The following RAB3GAP1 variants were observed in gnomAD, a reference collection of about 807,000 sequenced individuals.
RAB3GAP1 encodes RAB3 GTPase activating protein catalytic subunit 1.
A neutral mutation model predicts 130.7 loss-of-function variants in RAB3GAP1; 86 were observed. The ratio of observed to expected loss-of-function variants is 0.66; its 90% confidence interval spans 0.55 to 0.79. The LOEUF (loss-of-function observed/expected upper bound fraction) is 0.79. RAB3GAP1 is among the 30% of genes least tolerant of loss of function. The probability of loss-of-function intolerance (pLI) is 0.00; values close to 1 mark genes in which losing one functional copy is unlikely to be tolerated. For synonymous variants in RAB3GAP1, 367 were observed against 401.7 expected (o/e 0.91, Z 1.03); for missense variants, 1,029 against 1,169.4 (o/e 0.88, Z 1.75).
chr2:135,153,888 T>C lies in RAB3GAP1; in HGVS notation c.2289+12T>C. 2 of 1,607,350 alleles carry C rather than the reference T, an allele frequency of 1.2e-6. No homozygotes were observed. The highest frequency in any genetic ancestry group is 1.7e-6 in the Non-Finnish European group (2 of 1,174,134). ...GGGAAGCAGAAAAGGTAATTGAGGTTTGAGTCTCTAATACTAGAATGCAAA... is the reference window on the plus strand; with the variant it reads ...GGGAAGCAGAAAAGGTAATTGAGGTCTGAGTCTCTAATACTAGAATGCAAA... On this transcript the variant is annotated intron_variant, in intron 19 of 23. Transcript: ENST00000264158.
intron 17 of RAB3GAP1, among the ~76,000 whole-genome samples, chr2:135,142,890 T>A (rs952320255): frequency 3.3e-5 from 5 of 151,936 alleles, no homozygotes; most frequent in Non-Finnish European, 7.4e-5. Context: ...GAGTTTATTT[T>A]TTTTTTTTTT....
intron 3 of RAB3GAP1, among the ~76,000 whole-genome samples, chr2:135,060,481 C>T (rs1024298030): frequency 2.6e-5 from 4 of 151,826 alleles, no homozygotes; most frequent in Admixed American, 6.6e-5. Context: ...AGGATGGTCT[C>T]GATCTCCTGA....
chr2:135,073,991 G>T (rs1689549524), intron 3 of RAB3GAP1, among the ~76,000 whole-genome samples: 1 of 152,134 alleles, frequency 6.6e-6, no homozygotes, highest in Non-Finnish European at 1.5e-5. Flanking sequence ...ACTTTCCAAA[G>T]GGGCATTCCA....
At chr2:135,113,004 T>G in intron 5 of RAB3GAP1, 147 bp from the exon 6 acceptor site, 4 of 1,018,710 alleles carry the variant, frequency 3.9e-6, no homozygotes, top group Non-Finnish European at 6.0e-6. Context: ...TGAGGTCTTG[T>G]AGGTTCTGTT....
intron 18 of RAB3GAP1, among the ~76,000 whole-genome samples, chr2:135,151,016 A>AC (rs1040434724): frequency 2.0e-5 from 3 of 152,222 alleles, no homozygotes; most frequent in Admixed American, 2.0e-4. Context: ...TGAGTAGGTC[A>AC]TGAAAGGTTT....
Position 135,113,199 on chromosome 2 carries a change from C to T in RAB3GAP1, c.411C>T (p.Asp137=), listed in dbSNP as rs140929274. ...TGATTGCCCCTGCTGCACACAGTGACGCTGTTCTCAGCGAATCTAAGTGCA... is the reference window on the plus strand; with the variant it reads ...TGATTGCCCCTGCTGCACACAGTGATGCTGTTCTCAGCGAATCTAAGTGCA... ...FVVIAPAAHS[D]AVLSESKCNL... is the part of the protein sequence containing the mutation. Residue 137 remains aspartate, a synonymous_variant, in exon 6 of 24, where the codon GAC becomes GAT. Transcript: ENST00000264158. The T allele has an allele frequency of 6.3e-4, 1,010 of 1,614,056 alleles. 7 individuals are homozygous for T. In the Middle Eastern group the frequency reaches 0.016, roughly 25 times the overall value.
At chr2:135,093,563 C>T in intron 4 of RAB3GAP1, 52 bp from the exon 5 acceptor site, 2 of 1,364,274 alleles carry the variant, frequency 1.5e-6, no homozygotes, top group Non-Finnish European at 2.1e-6. Context: ...TGTTATAAAA[C>T]TCTGCCTGAT....
chr2:135,096,986 T>A (rs1690315121), intron 5 of RAB3GAP1, among the ~76,000 whole-genome samples: 1 of 152,132 alleles, frequency 6.6e-6, no homozygotes, highest in South Asian at 2.1e-4. Context: ...AGTAGGGTGG[T>A]TTTTGTAACC....
Position 135,115,245 on chromosome 2 carries a change from A to G in RAB3GAP1, c.512A>G (p.His171Arg), listed in dbSNP as rs1690935601. ...CQVPLFVQIH[H>R]KWRRMYVGEC... ...GTGCCACTCTTTGTGCAAATTCACC[A>G]CAAATGGCGAAGAATGTATGTAGGA... The change falls in exon 7 of 24, where the codon CAC (histidine) becomes CGC (arginine). Residue 171 changes from histidine (H) to arginine (R), a missense_variant. By Grantham distance (29) the His-to-Arg change is conservative. Coordinates refer to ENST00000264158, the MANE Select transcript of RAB3GAP1 (RefSeq NM_012233.3). The G allele has an allele frequency of 1.9e-6, 3 of 1,612,552 alleles. No homozygotes were observed. The highest frequency in any genetic ancestry group is 2.5e-6 in the Non-Finnish European group (3 of 1,178,592).
At chr2:135,053,629 G>C (rs1688937905) in intron 2 of RAB3GAP1, among the ~76,000 whole-genome samples, 1 of 152,106 alleles carries the variant, frequency 6.6e-6, no homozygotes, top group African/African-American at 2.4e-5. Flanking sequence ...TGGAATAATA[G>C]TTAGACCTGT....
At chr2:135,146,091 T>G (rs1402132319) in intron 17 of RAB3GAP1, among the ~76,000 whole-genome samples, 3 of 152,188 alleles carry the variant, frequency 2.0e-5, no homozygotes, top group Non-Finnish European at 4.4e-5. Flanking sequence ...TTTGCTTTAT[T>G]ATACCTTTTT....
chr2:135,117,615 G>GCTTCTTCTTCTTTCTTCTT (rs1558784511), intron 7 of RAB3GAP1, among the ~76,000 whole-genome samples: 1 of 24,998 alleles, frequency 4.0e-5, no homozygotes, highest in African/African-American at 1.5e-4. Flanking sequence ...TGCTTCTTCT[G>GCTTCTTCTTCTTTCTTCTT]CTTCTGCTTC....
intron 17 of RAB3GAP1, among the ~76,000 whole-genome samples, chr2:135,142,402 TTGAC>T (rs1490088221): frequency 6.6e-6 from 1 of 152,178 alleles, no homozygotes; most frequent in Non-Finnish European, 1.5e-5. Flanking sequence ...TCTTGCTACA[TTGAC>T]TTATTAGTAG....
downstream of RAB3GAP1, chr2:135,175,395 C>G (rs1187798571): frequency 6.6e-6 from 1 of 152,196 alleles, no homozygotes; most frequent in Non-Finnish European, 1.5e-5. Flanking sequence ...GCAGGAAAAG[C>G]CAACCCACTC....
At chr2:135,118,295 AATCAGTTT>A (rs1480265053) in intron 7 of RAB3GAP1, among the ~76,000 whole-genome samples, 1 of 152,178 alleles carries the variant, frequency 6.6e-6, no homozygotes, top group Non-Finnish European at 1.5e-5. Context: ...AAAAGTTTTT[AATCAGTTT>A]ATCTCATCAT....
chr2:135,164,707 G>A lies in RAB3GAP1; in HGVS notation c.2709+11G>A. 1 of 1,578,960 alleles carries A rather than the reference G, an allele frequency of 6.3e-7. No homozygotes were observed. The highest frequency in any genetic ancestry group is 8.7e-7 in the Non-Finnish European group (1 of 1,150,076). ...GTGAATGCCCAGAGGGTATGTGAGA[G>A]TCATTATTGACTCCATCATAATCTC... On this transcript the variant is annotated intron_variant, in intron 23 of 23. Transcript: ENST00000264158.
intron 7 of RAB3GAP1, among the ~76,000 whole-genome samples, chr2:135,117,401 A>G (rs1019200576): frequency 1.2e-5 from 1 of 82,410 alleles, no homozygotes; most frequent in African/African-American, 4.6e-5. Context: ...GGAAATATCA[A>G]TACTTTATTT....
chr2:135,109,683 G>A (rs1409816222), intron 5 of RAB3GAP1, among the ~76,000 whole-genome samples: 1 of 151,764 alleles, frequency 6.6e-6, no homozygotes, highest in Non-Finnish European at 1.5e-5. Context: ...CTGGGTTCAC[G>A]CCATTCTCCT....
chr2:135,128,194 A>G (rs957689960), intron 11 of RAB3GAP1, among the ~76,000 whole-genome samples: 31 of 152,230 alleles, frequency 2.0e-4, no homozygotes, highest in African/African-American at 7.0e-4. Context: ...TGTATAAGGT[A>G]TAAGTCCACC....
Sources: allele counts gnomAD v4.1 joint callset (sites outside exome capture counted in the v4.1 genomes callset), GRCh38; gene constraint gnomAD v4.1.1; transcripts MANE v1.5; gene names NCBI Gene and HGNC (gene_info 2026-07-23, HGNC 2026-07-21).